KIF27: variants seen among roughly 807,000 people sequenced by gnomAD.
The protein encoded by KIF27 is kinesin family member 27, also known as kinesin-like protein KIF27.
A neutral mutation model predicts 141.8 loss-of-function variants in KIF27; 84 were observed. The ratio of observed to expected loss-of-function variants is 0.59; its 90% CI spans 0.50 to 0.71. The LOEUF (loss-of-function observed/expected upper bound fraction) is 0.71, where lower values mean the gene tolerates loss of function less well. KIF27 is among the 30% of genes least tolerant of loss of function. The probability of loss-of-function intolerance (pLI) is 0.00; values close to 1 mark genes in which losing one functional copy is unlikely to be tolerated. For missense variants in KIF27, 1,306 were observed against 1,628.4 expected (o/e 0.80, Z 3.41); for synonymous variants, 471 against 569.5 (o/e 0.83, Z 2.46).
chr9:83,895,675 AAAGG>A (rs1341659662), intron 5 of KIF27, among the ~76,000 whole-genome samples: 1 of 151,982 alleles, frequency 6.6e-6, no homozygotes. Flanking sequence ...AAAGGATTAT[AAAGG>A]AAGAAATGAA....
chr9:83,856,393 G>A (rs1706926057), intron 14 of KIF27, among the ~76,000 whole-genome samples: 1 of 151,690 alleles, frequency 6.6e-6, no homozygotes, highest in Admixed American at 6.6e-5. Context: ...GATCACTTGA[G>A]GTCAGGAGTT....
intron 14 of KIF27, among the ~76,000 whole-genome samples, chr9:83,857,425 G>A (rs942505002): frequency 6.6e-5 from 10 of 152,252 alleles, no homozygotes; most frequent in African/African-American, 2.2e-4. Context: ...AACCAACCAT[G>A]TGGAAGAAAG....
rs1283388749 is a variant in KIF27, at chr9:83,856,748, A to AAG, written c.3150+2407_3150+2408insCT. On this transcript the variant is annotated intron_variant, in intron 14 of 17. Transcript: ENST00000297814. Reference sequence around the variant, plus strand: ...GAGCAAGACTCCGTCTCAAAAAAAAAAAAAAAAAAAAATTAGCTGGGCATG... The same window carrying AAG: ...GAGCAAGACTCCGTCTCAAAAAAAAAAGAAAAAAAAAAAATTAGCTGGGCATG... Among the ~76,000 whole-genome samples the AAG allele has an allele frequency of 1.3e-4, 19 of 150,630 alleles. 1 individual carries two copies. Among genetic ancestry groups the AAG allele is most frequent in the Middle Eastern group, 3.4e-3 (1 of 290 alleles).
At chr9:83,853,938 A>G in intron 14 of KIF27, 103 bp from the exon 15 acceptor site, 1 of 809,712 alleles carries the variant, frequency 1.2e-6, no homozygotes. Flanking sequence ...GGATATTACC[A>G]CTCTTGTACT....
chr9:83,837,579 C>T lies in KIF27; in HGVS notation c.3722-94G>A, dbSNP rs148632153. The T allele has an allele frequency of 1.8e-3, 2,221 of 1,241,976 alleles. 37 individuals carry two copies. The African/African-American group carries it at 0.031, about 17-fold the overall frequency. The allele number at this position is 1,241,976 out of a possible 1,614,324, so 76.9% of individuals were successfully genotyped here. ...TCTTAACATAAATACATTATTATCACCCAATATGCATAATGTTTTTCAACT... is the reference window on the plus strand; with the variant it reads ...TCTTAACATAAATACATTATTATCATCCAATATGCATAATGTTTTTCAACT... On this transcript the variant is annotated intron_variant, in intron 17 of 17. Transcript: ENST00000297814.
intron 5 of KIF27, among the ~76,000 whole-genome samples, chr9:83,892,859 A>G (rs1340159020): frequency 6.6e-6 from 1 of 152,236 alleles, no homozygotes; most frequent in African/African-American, 2.4e-5. Flanking sequence ...ACAATTCTAC[A>G]TTTGTGTCCA....
intron 11 of KIF27, among the ~76,000 whole-genome samples, chr9:83,877,329 T>A (rs1328793300): frequency 6.6e-6 from 1 of 152,072 alleles, no homozygotes; most frequent in Non-Finnish European, 1.5e-5. Flanking sequence ...TTGACCAACA[T>A]CTCCCCGTTT....
intron 1 of KIF27, among the ~76,000 whole-genome samples, chr9:83,916,284 C>T (rs1029096771): frequency 1.1e-4 from 16 of 152,152 alleles, no homozygotes; most frequent in Admixed American, 8.5e-4. Context: ...CCGCCCGCCT[C>T]GGCCTCCCAA....
At chr9:83,872,470 A>G (rs371953338) in intron 11 of KIF27, among the ~76,000 whole-genome samples, 2 of 152,238 alleles carry the variant, frequency 1.3e-5, no homozygotes, top group Non-Finnish European at 2.9e-5. Flanking sequence ...TCTGTGATGG[A>G]TAAGTACACA....
chr9:83,904,065 C>T, intron 3 of KIF27, 47 bp from the exon 4 acceptor site: 1 of 1,451,780 alleles, frequency 6.9e-7, no homozygotes, highest in Non-Finnish European at 9.3e-7. Context: ...TCATCAAAAC[C>T]TAGTATAGTT....
At chr9:83,910,083 A>G (rs74686518) in intron 2 of KIF27, among the ~76,000 whole-genome samples, 50 of 98,406 alleles carry the variant, frequency 5.1e-4, no homozygotes, top group Non-Finnish European at 8.8e-4. Context: ...ACATACATAC[A>G]TACGTACGTA....
intron 5 of KIF27, among the ~76,000 whole-genome samples, chr9:83,891,906 A>G (rs1237255513): frequency 6.6e-6 from 1 of 152,186 alleles, no homozygotes; most frequent in Admixed American, 6.5e-5. Flanking sequence ...AGTTTGCAGC[A>G]AAGGAGGCAG....
intron 4 of KIF27, among the ~76,000 whole-genome samples, chr9:83,900,720 G>GAT (rs753831935): frequency 4.6e-5 from 7 of 151,720 alleles, no homozygotes; most frequent in Non-Finnish European, 8.8e-5. Context: ...AAGAAACTGT[G>GAT]ATATATATAC....
chr9:83,880,058 A>T, intron 11 of KIF27: 1 of 570,510 alleles, frequency 1.8e-6, no homozygotes, highest in South Asian at 2.9e-5. Context: ...GATCCTACTA[A>T]GAGAAATTAT....
rs561780579 is a variant in KIF27 at position 83,859,722 on chromosome 9, A to G, written c.2935-351T>C. ...AATTTTTTGTATTTTTAGTAGAGAC[A>G]GGGTTTTACCATGTTGCCCAGGCTG... On this transcript the variant is annotated intron_variant, in intron 13 of 17. Coordinates refer to ENST00000297814, the MANE Select transcript of KIF27 (RefSeq NM_017576.4). 5.8e-3 allele frequency: 1,339 copies of G among 229,666 alleles called. 20 individuals carry two copies. The highest frequency in any genetic ancestry group is 0.023 in the African/African-American group (957 of 42,484). The allele number at this position is 229,666 out of a possible 1,614,324, so 14.2% of individuals were successfully genotyped here. A position where few individuals can be genotyped will look rare whatever the true frequency, so the allele number is the denominator to read the frequency against.
rs1587833398 is a variant in KIF27, at chr9:83,837,078, T to G, written c.4129A>C (p.Ser1377Arg). 3 of 1,613,908 alleles carry G rather than the reference T, an allele frequency of 1.9e-6. No homozygotes were observed. Among genetic ancestry groups the G allele is most frequent in the Admixed American group, 3.3e-5 (2 of 59,992 alleles). Residue 1377 changes from serine (S) to arginine (R), a missense_variant, in exon 18 of 18, where the codon AGT (serine) becomes CGT (arginine). Ser to Arg is a moderately radical substitution (Grantham distance 110). Around this residue, in one of 4 missense-constraint regions of KIF27, gnomAD observed 148 missense variants for 250.9 expected, o/e 0.59. Coordinates refer to ENST00000297814, the MANE Select transcript of KIF27 (RefSeq NM_017576.4). The part of the protein sequence containing the change: ...SALELSLRRS[S>R]LGVGIGSMAA... ...ATTGATCCAATGCCAACTCCAAGAC[T>G]GGAACGTCGCAATGATAGTTCCAAG...
rs192319984 is a variant in KIF27 at position 83,842,034 on chromosome 9, A to G, written c.3721+203T>C. Among the ~76,000 whole-genome samples, 705 of 152,350 alleles carry G rather than the reference A, an allele frequency of 4.6e-3. 5 individuals carry two copies. Among genetic ancestry groups the G allele is most frequent in the Non-Finnish European group, 7.2e-3 (493 of 68,028 alleles). ...GCACATGGCAGACAATCAATAATTG[A>G]TCATTTCCTTTGCATCTATAAATTT... On this transcript the variant is annotated intron_variant, in intron 17 of 17. Transcript: ENST00000297814.
chr9:83,863,787 C>G (rs1402145722), intron 13 of KIF27: 3 of 152,158 alleles, frequency 2.0e-5, no homozygotes, highest in Admixed American at 2.0e-4. Flanking sequence ...TAGAATTCGG[C>G]TGTGAATCCG....
chr9:83,853,711 C>T lies in KIF27; in HGVS notation c.3275G>A (p.Arg1092His), dbSNP rs747850098. The T allele has an allele frequency of 7.4e-6, 12 of 1,613,668 alleles. No homozygotes were observed. Among genetic ancestry groups the T allele is most frequent in the South Asian group, 1.1e-5 (1 of 91,078 alleles). Residue 1092 changes from arginine (R) to histidine (H), a missense_variant, in exon 15 of 18, where the codon CGT (arginine) becomes CAT (histidine). By Grantham distance (29) the Arg-to-His change is conservative (BLOSUM62 0). Around this residue, in one of 4 missense-constraint regions of KIF27, gnomAD observed 596 missense variants for 751.6 expected, o/e 0.79. Coordinates refer to ENST00000297814, the MANE Select transcript of KIF27 (RefSeq NM_017576.4). Reference protein sequence around the residue: ...SLRASFHNLSRGEANVLEKLA... With the variant: ...SLRASFHNLSHGEANVLEKLA... The stretch of plus-strand genomic sequence containing the variant: ...CTTTTCCAAGACATTTGCTTCACCA[C>T]GAGAGAGGTTATGGAATGATGCTCT...
Sources: gnomAD v4.1 joint callset for allele counts (sites outside exome capture counted in the v4.1 genomes callset) on GRCh38, gnomAD v4.1.1 for gene constraint, gnomAD v4.1.1 regional missense constraint, MANE v1.5 for transcripts, NCBI Gene and HGNC (gene_info 2026-07-23, HGNC 2026-07-21) for gene names.